Variants in COL6A5 observed in about 807,000 individuals in gnomAD.
COL6A5 encodes collagen type VI alpha 5 chain.
Under a neutral mutation model 65.6 loss-of-function variants are expected in COL6A5, and 48 were observed. The observed-to-expected ratio is 0.73, with a 90% CI of 0.58 to 0.93. The LOEUF is 0.93. Among genes scored for constraint, COL6A5 ranks in the 40% least tolerant of loss-of-function variants. The pLI, the probability that COL6A5 is intolerant of heterozygous loss-of-function variation, is 0.00. For synonymous variants in COL6A5, 291 were observed against 322.8 expected (o/e 0.90, Z 1.05); for missense variants, 914 against 928.3 (o/e 0.98, Z 0.20).
chr3:130,370,643 CA>C (rs1188745832), intron 1 of COL6A5, among the ~76,000 whole-genome samples: 2 of 151,970 alleles, frequency 1.3e-5, no homozygotes, highest in African/African-American at 2.4e-5. Context: ...ATAACTTATA[CA>C]AAAACAGTGT....
chr3:130,413,826 A>T (rs5010973), intron 21 of COL6A5, among the ~76,000 whole-genome samples: 91,802 of 151,086 alleles, frequency 0.61, 30,542 homozygotes, highest in Non-Finnish European at 0.75. Context: ...AATATTGTGC[A>T]TTTGACTGCT....
chr3:130,398,907 A>G (rs1936711029), intron 10 of COL6A5, among the ~76,000 whole-genome samples: 2 of 152,174 alleles, frequency 1.3e-5, no homozygotes, highest in Non-Finnish European at 2.9e-5. Context: ...CACCACATAC[A>G]TACAAAATCC....
intron 20 of COL6A5, among the ~76,000 whole-genome samples, chr3:130,411,214 G>A (rs766788290): frequency 2.0e-5 from 3 of 152,068 alleles, no homozygotes; most frequent in South Asian, 2.1e-4. Context: ...CCAAGAAATC[G>A]CCTTTCCTTC....
At chr3:130,440,695 A>C in exon 3 of COL6A5, 1 of 1,613,570 alleles carries the variant, frequency 6.2e-7, no homozygotes, top group Non-Finnish European at 8.5e-7. Context: ...TGGGCTCTAC[A>C]CGTAAGGATG....
At chr3:130,462,667 ACT>A (rs1236659982) in intron 5 of COL6A5, among the ~76,000 whole-genome samples, 2 of 152,076 alleles carry the variant, frequency 1.3e-5, no homozygotes, top group African/African-American at 4.8e-5. Context: ...CAGGACTGAA[ACT>A]CTGAATATTC....
intron 5 of COL6A5, among the ~76,000 whole-genome samples, chr3:130,460,198 A>C (rs1459674007): frequency 6.6e-6 from 1 of 152,142 alleles, no homozygotes; most frequent in Non-Finnish European, 1.5e-5. Context: ...GGAAGAAATC[A>C]GCAGCAGAAT....
chr3:130,450,292 G>A (rs950167560), intron 4 of COL6A5, among the ~76,000 whole-genome samples: 3 of 152,106 alleles, frequency 2.0e-5, no homozygotes, highest in Non-Finnish European at 4.4e-5. Context: ...ACTTAGAGCG[G>A]CAAATATTTG....
intron 1 of COL6A5, among the ~76,000 whole-genome samples, chr3:130,358,442 A>G (rs1934999591): frequency 6.6e-6 from 1 of 152,152 alleles, no homozygotes; most frequent in South Asian, 2.1e-4. Flanking sequence ...AAAAGATTCA[A>G]TTTACAATAG....
intron 1 of COL6A5, among the ~76,000 whole-genome samples, chr3:130,358,017 G>A (rs1461989431): frequency 6.6e-5 from 10 of 151,878 alleles, no homozygotes; most frequent in Middle Eastern, 3.4e-3. Flanking sequence ...GTGAAACCCC[G>A]TCTCTACTAA....
chr3:130,447,608 C>G (rs997559141), intron 4 of COL6A5, among the ~76,000 whole-genome samples: 1 of 152,106 alleles, frequency 6.6e-6, no homozygotes, highest in African/African-American at 2.4e-5. Flanking sequence ...TGTTGGCAAA[C>G]CGCGTGTTGT....
chr3:130,431,518 G>C, exon 1 of COL6A5: 1 of 1,551,424 alleles, frequency 6.4e-7, no homozygotes, highest in Non-Finnish European at 8.7e-7. Context: ...CAATTCCTAC[G>C]ATGTCACAGA....
exon 5 of COL6A5, chr3:130,455,548 G>A (rs755367094): frequency 1.1e-5 from 18 of 1,612,392 alleles, no homozygotes; most frequent in South Asian, 4.4e-5. Flanking sequence ...TTGTAAAGAC[G>A]GAAGACAATG....
At chr3:130,440,812 A>C (rs748869243) in exon 3 of COL6A5, 2 of 1,610,176 alleles carry the variant, frequency 1.2e-6, no homozygotes, top group Non-Finnish European at 1.7e-6. Flanking sequence ...AGCCATTTTT[A>C]TACTCGGTCA....
At chr3:130,385,262 C>T in exon 5 of COL6A5, 2 of 1,550,822 alleles carry the variant, frequency 1.3e-6, no homozygotes, top group Non-Finnish European at 1.7e-6. Context: ...AATAGAACTG[C>T]AAGAAATTGC....
At chr3:130,395,215 T>G in exon 8 of COL6A5, 1 of 1,551,712 alleles carries the variant, frequency 6.4e-7, no homozygotes. Context: ...GAAATGCTGG[T>G]GTCCCCCAAA....
intron 12 of COL6A5, among the ~76,000 whole-genome samples, chr3:130,402,526 A>G (rs967906837): frequency 2.0e-5 from 3 of 152,236 alleles, no homozygotes; most frequent in African/African-American, 7.2e-5. Flanking sequence ...AAAACATAGA[A>G]GAATGCATGT....
intron 3 of COL6A5, among the ~76,000 whole-genome samples, chr3:130,441,896 A>T (rs1709191302): frequency 6.6e-6 from 1 of 152,136 alleles, no homozygotes; most frequent in African/African-American, 2.4e-5. Flanking sequence ...TCTTTCTGGA[A>T]ATCTGACAGG....
At chr3:130,387,648 T>C (rs1022877603) in intron 5 of COL6A5, among the ~76,000 whole-genome samples, 3 of 152,074 alleles carry the variant, frequency 2.0e-5, no homozygotes, top group Non-Finnish European at 4.4e-5. Context: ...TTTTCATTTT[T>C]TTAATATATG....
intron 3 of COL6A5, 52 bp downstream of exon 3, chr3:130,376,888 C>T (rs567509738): frequency 1.3e-6 from 2 of 1,508,938 alleles, no homozygotes; most frequent in Admixed American, 4.6e-5. Context: ...GGGTCTACAT[C>T]TGTCCACTCT....
Sources: gnomAD v4.1 joint callset for allele counts (sites outside exome capture counted in the v4.1 genomes callset) on GRCh38, gnomAD v4.1.1 for gene constraint, MANE v1.5 for transcripts, NCBI Gene and HGNC (gene_info 2026-07-23, HGNC 2026-07-21) for gene names.